The following SLC24A3 variants were observed in gnomAD, a reference collection of about 807,000 sequenced individuals.
SLC24A3 encodes the protein sodium/potassium/calcium exchanger 3.
SLC24A3 carries 28 observed loss-of-function variants against 75.8 expected under a neutral mutation model. That is an observed-to-expected ratio of 0.37 (90% CI 0.27 to 0.51). The LOEUF (loss-of-function observed/expected upper bound fraction) is 0.51. Ranked by LOEUF, SLC24A3 falls within the 20% of genes least tolerant of loss-of-function variation. The pLI is 0.94. For synonymous variants in SLC24A3, 372 were observed against 334.1 expected (o/e 1.11, Z -1.24); for missense variants, 663 against 847.8 (o/e 0.78, Z 2.71).
chr20:19,569,024 T>C (rs2031006505), intron 3 of SLC24A3, among the ~76,000 whole-genome samples: 1 of 152,076 alleles, frequency 6.6e-6, no homozygotes, highest in African/African-American at 2.4e-5. Flanking sequence ...GACTTAGAAA[T>C]GGAAATGGTT....
intron 6 of SLC24A3, among the ~76,000 whole-genome samples, chr20:19,595,333 G>A (rs1273369188): frequency 6.6e-6 from 1 of 152,312 alleles, no homozygotes; most frequent in South Asian, 2.1e-4. Context: ...TATGGTAAGG[G>A]CTGAAGCATC....
chr20:19,611,286 T>C (rs1464275133), intron 6 of SLC24A3, among the ~76,000 whole-genome samples: 1 of 152,212 alleles, frequency 6.6e-6, no homozygotes, highest in Non-Finnish European at 1.5e-5. Context: ...TCTCTGCCTT[T>C]TTCTCAGTCA....
At chr20:19,390,190 C>A (rs1426676619) in intron 2 of SLC24A3, among the ~76,000 whole-genome samples, 1 of 152,112 alleles carries the variant, frequency 6.6e-6, no homozygotes, top group African/African-American at 2.4e-5. Context: ...ATTTTGAATT[C>A]TTTGGCCAGG....
rs185763256 is a variant in SLC24A3, at chr20:19,320,199, C to A, written c.271+39112C>A. Among the ~76,000 whole-genome samples the A allele has an allele frequency of 1.1e-3, 162 of 152,268 alleles. 2 individuals are homozygous for A. The highest frequency in any genetic ancestry group is 1.9e-3 in the Non-Finnish European group (130 of 68,024). On this transcript the variant is annotated intron_variant, in intron 2 of 16. Transcript: ENST00000328041. The stretch of plus-strand genomic sequence containing the variant: ...TTTTGTGGCTTTGTTTTCTGTCGGG[C>A]GCCGACGGTCCAGGCTTTGTCATTT...
At chr20:19,660,254 C>T (rs2032311795) in intron 7 of SLC24A3, among the ~76,000 whole-genome samples, 2 of 152,042 alleles carry the variant, frequency 1.3e-5, no homozygotes, top group African/African-American at 4.8e-5. Context: ...ACATTATACC[C>T]AATATGTAGT....
At chr20:19,623,129 T>C (rs1600307444) in intron 6 of SLC24A3, among the ~76,000 whole-genome samples, 1 of 152,174 alleles carries the variant, frequency 6.6e-6, no homozygotes, top group East Asian at 1.9e-4. Context: ...GTTTTTTGTT[T>C]TTTGCTTGGT....
At chr20:19,250,142 G>A (rs1216039279) in intron 1 of SLC24A3, among the ~76,000 whole-genome samples, 1 of 152,184 alleles carries the variant, frequency 6.6e-6, no homozygotes, top group Non-Finnish European at 1.5e-5. Context: ...ACTGGGTGCT[G>A]GCATATTTGC....
At chr20:19,230,880 G>A (rs1982002188) in intron 1 of SLC24A3, among the ~76,000 whole-genome samples, 1 of 152,118 alleles carries the variant, frequency 6.6e-6, no homozygotes, top group Non-Finnish European at 1.5e-5. Flanking sequence ...CTAATGCTAG[G>A]CTAATGACCA....
At chr20:19,465,451 T>G (rs1445456032) in intron 2 of SLC24A3, among the ~76,000 whole-genome samples, 1 of 151,690 alleles carries the variant, frequency 6.6e-6, no homozygotes, top group African/African-American at 2.4e-5. Context: ...TTTCACGTGG[T>G]TTGCTAGAAT....
chr20:19,646,037 G>A lies in SLC24A3; in HGVS notation c.613-8025G>A, dbSNP rs867800771. Among the ~76,000 whole-genome samples the A allele has an allele frequency of 9.2e-5, 14 of 152,216 alleles. 1 individual carries two copies. In the Middle Eastern group the frequency reaches 0.014, roughly 148 times the overall value. ...ACCACTGCACTCCAGCCTGGGCAAC[G>A]AGAGTAAGGCCCTGTCTCAAAAAAC... On this transcript the variant is annotated intron_variant, in intron 6 of 16. Transcript: ENST00000328041.
At chr20:19,275,957 G>A (rs1308053478) in intron 1 of SLC24A3, among the ~76,000 whole-genome samples, 2 of 152,126 alleles carry the variant, frequency 1.3e-5, no homozygotes, top group Non-Finnish European at 2.9e-5. Context: ...CAACTTCCAG[G>A]GCCTGGCAGA....
intron 1 of SLC24A3, chr20:19,261,811 T>C (rs1982998363): frequency 6.6e-6 from 1 of 152,224 alleles, no homozygotes; most frequent in Non-Finnish European, 1.5e-5. Context: ...GTGTTTCTCA[T>C]GACAATGCTT....
At chr20:19,294,832 T>A (rs1984024022) in intron 2 of SLC24A3, among the ~76,000 whole-genome samples, 1 of 152,244 alleles carries the variant, frequency 6.6e-6, no homozygotes, top group South Asian at 2.1e-4. Context: ...AAATGGTATT[T>A]CTGTTTTTAG....
intron 3 of SLC24A3, among the ~76,000 whole-genome samples, chr20:19,556,611 C>T (rs959564501): frequency 5.3e-5 from 8 of 149,834 alleles, no homozygotes; most frequent in Non-Finnish European, 1.2e-4. Context: ...GCAATTTTAG[C>T]TTGGTGGCTC....
intron 6 of SLC24A3, among the ~76,000 whole-genome samples, chr20:19,618,048 C>T (rs575063868): frequency 1.8e-4 from 27 of 151,880 alleles, no homozygotes; most frequent in Admixed American, 4.6e-4. Flanking sequence ...AGCATTTCCA[C>T]GGAGCATCTA....
chr20:19,433,307 A>G (rs976826968), intron 2 of SLC24A3, among the ~76,000 whole-genome samples: 5 of 152,250 alleles, frequency 3.3e-5, no homozygotes, highest in African/African-American at 4.8e-5. Flanking sequence ...GAGAGCTCTT[A>G]CACAAACTAA....
At chr20:19,500,831 G>T (rs1421091662) in intron 2 of SLC24A3, among the ~76,000 whole-genome samples, 1 of 152,140 alleles carries the variant, frequency 6.6e-6, no homozygotes, top group Non-Finnish European at 1.5e-5. Context: ...TGGAGAGGAG[G>T]TATTAGTATC....
chr20:19,464,446 C>T (rs1987731498), intron 2 of SLC24A3, among the ~76,000 whole-genome samples: 1 of 152,374 alleles, frequency 6.6e-6, no homozygotes, highest in Non-Finnish European at 1.5e-5. Context: ...GGATTTGAGC[C>T]CATTCACGTG....
intron 2 of SLC24A3, among the ~76,000 whole-genome samples, chr20:19,288,190 C>T (rs1983858714): frequency 6.6e-6 from 1 of 152,124 alleles, no homozygotes; most frequent in Non-Finnish European, 1.5e-5. Flanking sequence ...GGTTGGGCTG[C>T]GTGTAGGAGA....
Sources: gnomAD v4.1 joint callset for allele counts (sites outside exome capture counted in the v4.1 genomes callset) on GRCh38, gnomAD v4.1.1 for gene constraint, MANE v1.5 for transcripts, NCBI Gene and HGNC (gene_info 2026-07-23, HGNC 2026-07-21) for gene names.